Variants in CHIC1 observed in about 807,000 individuals in gnomAD.
The protein encoded by CHIC1 is cysteine-rich hydrophobic domain-containing protein 1.
CHIC1 carries 7 observed loss-of-function variants against 18.5 expected under a neutral mutation model. That is an observed-to-expected ratio of 0.38 (90% CI 0.22 to 0.71). CHIC1 has a LOEUF of 0.71. CHIC1 is among the 30% of genes least tolerant of loss of function. CHIC1 has a pLI of 0.49. For synonymous variants in CHIC1, 77 were observed against 73.5 expected, an observed-to-expected ratio of 1.05 and a Z score of -0.25; for missense variants, 159 against 176.9, an observed-to-expected ratio of 0.90 and a Z score of 0.57.
Position 73,635,512 on chromosome X carries a change from GT to G in CHIC1, c.508-43806del, listed in dbSNP as rs779527179. Among the ~76,000 whole-genome samples the G allele has an allele frequency of 5.4e-5, 6 of 110,497 alleles. No homozygotes were observed. The East Asian group carries it at 8.6e-4, about 16-fold the overall frequency. On this transcript the variant is annotated intron_variant, in intron 3 of 5. Coordinates refer to ENST00000373502, the MANE Select transcript of CHIC1 (RefSeq NM_001039840.4). Reference sequence around the variant, plus strand: ...TGTCTAGGTCTTTCATTTGGGGGAGGTTTTTTTTCTGATTAAATCATCTTAC... The same window carrying G: ...TGTCTAGGTCTTTCATTTGGGGGAGGTTTTTTTCTGATTAAATCATCTTAC...
chrX:73,636,929 G>A (rs1392297240), intron 3 of CHIC1, among the ~76,000 whole-genome samples: 1 of 111,085 alleles, frequency 9.0e-6, no homozygotes, highest in Non-Finnish European at 1.9e-5. Context: ...AAAAAATGCA[G>A]TATATTACAA....
intron 3 of CHIC1, among the ~76,000 whole-genome samples, chrX:73,621,220 C>G (rs936050448): frequency 1.5e-4 from 17 of 111,207 alleles, no homozygotes; most frequent in African/African-American, 5.5e-4. Flanking sequence ...AAGTAGTTTT[C>G]TCTGATTTTA....
At chrX:73,659,505 G>A (rs1381297466) in intron 3 of CHIC1, among the ~76,000 whole-genome samples, 2 of 107,420 alleles carry the variant, frequency 1.9e-5, no homozygotes, top group African/African-American at 3.5e-5. Flanking sequence ...GAGCAGAGGA[G>A]CCTTGCCAAT....
At chrX:73,648,170 C>T (rs2057898190) in intron 3 of CHIC1, among the ~76,000 whole-genome samples, 1 of 111,290 alleles carries the variant, frequency 9.0e-6, no homozygotes, top group Admixed American at 9.6e-5. Context: ...CAGTATCAAC[C>T]ACAAAAAAAG....
chrX:73,618,436 G>C, intron 3 of CHIC1, among the ~76,000 whole-genome samples: 1 of 111,330 alleles, frequency 9.0e-6, no homozygotes, highest in East Asian at 2.8e-4. Context: ...CTCTCCTTGG[G>C]TGGGGTCTGC....
At chrX:73,629,313 ATGT>A (rs1257610145) in intron 3 of CHIC1, among the ~76,000 whole-genome samples, 1 of 110,318 alleles carries the variant, frequency 9.1e-6, no homozygotes, top group Non-Finnish European at 1.9e-5. Flanking sequence ...TTTTAGTTTG[ATGT>A]TGTCTGTCTT....
intron 3 of CHIC1, among the ~76,000 whole-genome samples, chrX:73,588,438 C>G (rs1486203346): frequency 9.0e-6 from 1 of 111,247 alleles, no homozygotes; most frequent in Non-Finnish European, 1.9e-5. Flanking sequence ...TTTTTAACCA[C>G]TTTAAAGTGG....
At chrX:73,579,161 T>C (rs1001503840) in intron 2 of CHIC1, among the ~76,000 whole-genome samples, 7 of 110,267 alleles carry the variant, frequency 6.3e-5, no homozygotes, top group African/African-American at 2.3e-4. Context: ...TGAGACAGAA[T>C]ATAGTAGTTA....
chrX:73,595,716 T>G (rs1203018221), intron 3 of CHIC1, among the ~76,000 whole-genome samples: 1 of 111,330 alleles, frequency 9.0e-6, no homozygotes, highest in African/African-American at 3.3e-5. Context: ...GGTCAAATGG[T>G]ATTTCTAGTT....
chrX:73,629,486 A>G (rs991737593), intron 3 of CHIC1, among the ~76,000 whole-genome samples: 4 of 112,272 alleles, frequency 3.6e-5, no homozygotes, highest in African/African-American at 1.3e-4. Context: ...TTTGTATGGT[A>G]TAAGACAAGT....
intron 3 of CHIC1, among the ~76,000 whole-genome samples, chrX:73,593,825 T>C (rs1177181204): frequency 4.5e-5 from 5 of 111,714 alleles, no homozygotes; most frequent in African/African-American, 1.6e-4. Context: ...TTTACTGGCT[T>C]CCTTGGATTG....
chrX:73,589,479 T>C (rs1043732853), intron 3 of CHIC1, among the ~76,000 whole-genome samples: 5 of 111,094 alleles, frequency 4.5e-5, no homozygotes, highest in African/African-American at 1.6e-4. Context: ...TGAATTAATA[T>C]CACCTTAGCT....
intron 1 of CHIC1, among the ~76,000 whole-genome samples, chrX:73,576,681 G>A (rs2057501124): frequency 9.1e-6 from 1 of 110,474 alleles, no homozygotes; most frequent in African/African-American, 3.3e-5. Context: ...ATGTAACATT[G>A]TAGTTAATAT....
intron 3 of CHIC1, among the ~76,000 whole-genome samples, chrX:73,603,063 G>A (rs2057660066): frequency 9.2e-6 from 1 of 108,632 alleles, no homozygotes; most frequent in African/African-American, 3.6e-5. Flanking sequence ...GTTAATGGTA[G>A]CTTGATAGGG....
intron 3 of CHIC1, among the ~76,000 whole-genome samples, chrX:73,601,536 G>C (rs1387998186): frequency 9.4e-6 from 1 of 106,558 alleles, no homozygotes; most frequent in Non-Finnish European, 1.9e-5. Flanking sequence ...CAACATACCA[G>C]AATGTCTGGG....
intron 3 of CHIC1, among the ~76,000 whole-genome samples, chrX:73,653,532 G>T (rs1294129871): frequency 1.8e-5 from 2 of 111,510 alleles, no homozygotes; most frequent in African/African-American, 6.5e-5. Flanking sequence ...AGATTGCTTT[G>T]CTTATTCAGG....
chrX:73,624,019 A>C (rs1036545622), intron 3 of CHIC1, among the ~76,000 whole-genome samples: 2 of 110,378 alleles, frequency 1.8e-5, no homozygotes, highest in Non-Finnish European at 3.8e-5. Flanking sequence ...GCACAGCTGG[A>C]AGGCAAAAGA....
intron 3 of CHIC1, among the ~76,000 whole-genome samples, chrX:73,662,015 G>A (rs2057982733): frequency 9.3e-6 from 1 of 107,905 alleles, no homozygotes; most frequent in African/African-American, 3.4e-5. Flanking sequence ...CTGTGCACAT[G>A]TACCCTAAAA....
intron 1 of CHIC1, among the ~76,000 whole-genome samples, chrX:73,570,052 A>G (rs1443619093): frequency 8.9e-6 from 1 of 112,055 alleles, no homozygotes; most frequent in Non-Finnish European, 1.9e-5. Context: ...AAACACTGTG[A>G]AGAATATAGA....
Sources: gnomAD v4.1 joint callset for allele counts (sites outside exome capture counted in the v4.1 genomes callset) on GRCh38, gnomAD v4.1.1 for gene constraint, MANE v1.5 for transcripts, NCBI Gene and HGNC (gene_info 2026-07-23, HGNC 2026-07-21) for gene names.